The following RFX7 variants were observed in gnomAD, a reference collection of about 807,000 sequenced individuals.
RFX7 encodes DNA-binding protein RFX7.
A neutral mutation model predicts 111.8 loss-of-function variants in RFX7; 26 were observed. The ratio of observed to expected loss-of-function variants is 0.23; its 90% CI spans 0.17 to 0.32. The LOEUF (loss-of-function observed/expected upper bound fraction) is 0.32. Ranked by LOEUF, RFX7 falls within the 10% of genes least tolerant of loss-of-function variation. The probability of loss-of-function intolerance (pLI) is 1.00; values close to 1 mark genes in which losing one functional copy is unlikely to be tolerated. For synonymous variants in RFX7, 624 were observed against 624.4 expected (o/e 1.00, Z 0.01); for missense variants, 1,573 against 1,772.9 (o/e 0.89, Z 2.02).
chr15:56,219,234 T>C (rs1434845760), intron 2 of RFX7, among the ~76,000 whole-genome samples: 3 of 152,236 alleles, frequency 2.0e-5, no homozygotes, highest in Non-Finnish European at 2.9e-5. Context: ...CATCAAGATA[T>C]ATCCACTTTA....
intron 5 of RFX7, among the ~76,000 whole-genome samples, chr15:56,141,389 C>CA (rs1169784627): frequency 7.3e-5 from 11 of 151,584 alleles, no homozygotes; most frequent in Non-Finnish European, 1.3e-4. Flanking sequence ...AACAAACAAA[C>CA]AAAAAAACCA....
chr15:56,238,915 C>A (rs1477582745), intron 2 of RFX7, among the ~76,000 whole-genome samples: 3 of 152,142 alleles, frequency 2.0e-5, no homozygotes, highest in African/African-American at 2.4e-5. Flanking sequence ...CTCACTGCAA[C>A]CTCCACCTCC....
At chr15:56,229,296 C>T (rs1285591613) in intron 2 of RFX7, among the ~76,000 whole-genome samples, 9 of 152,118 alleles carry the variant, frequency 5.9e-5, no homozygotes, top group South Asian at 2.1e-4. Flanking sequence ...GTTGGAGTCT[C>T]GCTCTGTTGC....
chr15:56,171,728 T>C (rs2042846981), intron 3 of RFX7, among the ~76,000 whole-genome samples: 1 of 152,150 alleles, frequency 6.6e-6, no homozygotes, highest in African/African-American at 2.4e-5. Flanking sequence ...ATAGCAGCAA[T>C]AGGAGACTAA....
chr15:56,166,416 C>T lies in RFX7; in HGVS notation c.195+12854G>A, dbSNP rs2141098561. ...AACTAGTCAATTTAGGGGACCCAAA[C>T]ATTAGAATTAGTTGGGAGACTGCTT... On this transcript the variant is annotated intron_variant, in intron 3 of 9. Coordinates refer to ENST00000559447, the MANE Select transcript of RFX7 (RefSeq NM_022841.7). 1.3e-5 allele frequency among the ~76,000 whole-genome samples: 2 copies of T among 152,274 alleles called. 1 individual carries two copies. Among genetic ancestry groups the T allele is most frequent in the Admixed American group, 1.3e-4 (2 of 15,304 alleles).
intron 5 of RFX7, among the ~76,000 whole-genome samples, chr15:56,125,976 G>A (rs2042140056): frequency 6.6e-6 from 1 of 152,120 alleles, no homozygotes; most frequent in African/African-American, 2.4e-5. Flanking sequence ...CTGTTTCATA[G>A]TTTATGCTTT....
chr15:56,217,433 T>C (rs75140208), intron 2 of RFX7, among the ~76,000 whole-genome samples: 1 of 152,056 alleles, frequency 6.6e-6, no homozygotes, highest in African/African-American at 2.4e-5. Flanking sequence ...TTTTTTTTTT[T>C]TCTACAATAC....
chr15:56,149,495 G>T (rs1458765463), intron 3 of RFX7, among the ~76,000 whole-genome samples: 1 of 152,200 alleles, frequency 6.6e-6, no homozygotes, highest in African/African-American at 2.4e-5. Context: ...ACTTCCAACT[G>T]AGGTACCTGG....
intron 5 of RFX7, among the ~76,000 whole-genome samples, chr15:56,119,670 G>A (rs1238049194): frequency 1.3e-5 from 2 of 151,880 alleles, no homozygotes; most frequent in African/African-American, 4.8e-5. Context: ...CCAGCTACTT[G>A]GGGGGCTGAG....
At chr15:56,113,583 G>C (rs1355906695) in intron 5 of RFX7, among the ~76,000 whole-genome samples, 4 of 151,800 alleles carry the variant, frequency 2.6e-5, no homozygotes, top group African/African-American at 9.7e-5. Context: ...GTTGGTAGGT[G>C]CAGCAAACCA....
intron 3 of RFX7, among the ~76,000 whole-genome samples, chr15:56,151,797 G>A (rs1410457496): frequency 6.6e-6 from 1 of 152,184 alleles, no homozygotes; most frequent in Admixed American, 6.5e-5. Flanking sequence ...CCATCAGTGT[G>A]CTGTATTCAG....
chr15:56,212,351 G>T (rs79480364), intron 2 of RFX7, among the ~76,000 whole-genome samples: 90 of 152,234 alleles, frequency 5.9e-4, no homozygotes, highest in African/African-American at 2.1e-3. Flanking sequence ...AGGGTTAGAG[G>T]GGAGGGAAGA....
rs534977390 is a variant in RFX7 at position 56,191,017 on chromosome 15, G to C, written c.162-11714C>G. Among the ~76,000 whole-genome samples, 8 of 152,320 alleles carry C rather than the reference G, an allele frequency of 5.3e-5. No individual in the cohort carries two copies. In the South Asian group the frequency reaches 1.7e-3, roughly 32 times the overall value. ...AATCTATTTAGGCTGGCTATTTTCT[G>C]TTTGCTCTTTGAAATCACTCTCTAC... On this transcript the variant is annotated intron_variant, in intron 2 of 9. Transcript: ENST00000559447.
intron 2 of RFX7, 147 bp downstream of exon 2, chr15:56,242,978 C>G (rs2043721927): frequency 1.2e-5 from 7 of 571,952 alleles, no homozygotes; most frequent in Non-Finnish European, 2.0e-5. Context: ...CTCCAGAGAT[C>G]CTACAAATGT....
intron 3 of RFX7, among the ~76,000 whole-genome samples, chr15:56,148,020 A>G (rs1460260054): frequency 2.0e-5 from 3 of 152,246 alleles, no homozygotes; most frequent in Non-Finnish European, 2.9e-5. Flanking sequence ...AGCTAGTGAA[A>G]ACGGTTTCAA....
intron 2 of RFX7, among the ~76,000 whole-genome samples, chr15:56,235,172 G>A (rs1324611436): frequency 1.4e-5 from 2 of 147,250 alleles, no homozygotes; most frequent in Non-Finnish European, 3.0e-5. Context: ...CCCTGTTCTC[G>A]TTTGTTGTTT....
At chr15:56,234,271 G>A (rs1342952830) in intron 2 of RFX7, among the ~76,000 whole-genome samples, 6 of 152,218 alleles carry the variant, frequency 3.9e-5, no homozygotes, top group Non-Finnish European at 8.8e-5. Flanking sequence ...AAAGTGGTAA[G>A]AATGTCTTAT....
intron 5 of RFX7, among the ~76,000 whole-genome samples, chr15:56,112,094 A>C (rs2041943087): frequency 6.6e-6 from 1 of 151,194 alleles, no homozygotes; most frequent in Non-Finnish European, 1.5e-5. Context: ...CAGGCTGGGC[A>C]ATAGAGGGAC....
At chr15:56,119,082 G>C (rs1471468095) in intron 5 of RFX7, among the ~76,000 whole-genome samples, 1 of 151,940 alleles carries the variant, frequency 6.6e-6, no homozygotes, top group Non-Finnish European at 1.5e-5. Flanking sequence ...TCTATATTCT[G>C]GTTATTAATC....
Sources: gnomAD v4.1 joint callset for allele counts (sites outside exome capture counted in the v4.1 genomes callset) on GRCh38, gnomAD v4.1.1 for gene constraint, MANE v1.5 for transcripts, NCBI Gene and HGNC (gene_info 2026-07-23, HGNC 2026-07-21) for gene names.